Variants in PRDX4 observed in about 807,000 individuals in gnomAD.
The protein encoded by PRDX4 is peroxiredoxin-4.
PRDX4 carries 12 observed loss-of-function variants against 20.5 expected under a neutral mutation model. The observed-to-expected ratio is 0.58, with a 90% confidence interval of 0.37 to 0.95. The LOEUF is 0.95. PRDX4 is among the 40% of genes least tolerant of loss of function. The probability of loss-of-function intolerance (pLI) is 0.01; values close to 1 mark genes in which losing one functional copy is unlikely to be tolerated. For synonymous variants in PRDX4, 99 were observed against 87.5 expected (o/e 1.13, Z -0.73); for missense variants, 180 against 207.3 (o/e 0.87, Z 0.81).
At chrX:23,668,853 C>T (rs1927783908) in intron 1 of PRDX4, among the ~76,000 whole-genome samples, 1 of 110,639 alleles carries the variant, frequency 9.0e-6, no homozygotes, top group Non-Finnish European at 1.9e-5. Flanking sequence ...ACTGTTTTGT[C>T]CTCTTAAACA....
At chrX:23,683,319 G>A (rs1225289624) in intron 5 of PRDX4, among the ~76,000 whole-genome samples, 1 of 111,821 alleles carries the variant, frequency 8.9e-6, no homozygotes, top group African/African-American at 3.2e-5. Context: ...CAAGCGTACT[G>A]GAAGTTTATG....
At chrX:23,680,912 T>TA (rs1478808396) in intron 4 of PRDX4, among the ~76,000 whole-genome samples, 1 of 108,670 alleles carries the variant, frequency 9.2e-6, no homozygotes, top group African/African-American at 3.4e-5. Context: ...ACCCTGTCTC[T>TA]AAAAAAATAA....
At chrX:23,676,985 C>T (rs995836372) in intron 3 of PRDX4, among the ~76,000 whole-genome samples, 1 of 110,631 alleles carries the variant, frequency 9.0e-6, no homozygotes, top group African/African-American at 3.3e-5. Flanking sequence ...CAAGCTTGCA[C>T]CACCATACCT....
chrX:23,686,207 G>T, intron 6 of PRDX4, 78 bp from the exon 7 acceptor site: 1 of 757,317 alleles, frequency 1.3e-6, no homozygotes, highest in Non-Finnish European at 1.9e-6. Context: ...TCAAGGCATG[G>T]GCAACTAATG....
At position 23,667,699 on chromosome X, in the gene PRDX4, G is replaced by T. The variant is rs766263408; in HGVS notation, c.129G>T (p.Arg43Ser). The change falls in exon 1 of 7, where the codon AGG (arginine) becomes AGT (serine). Residue 43 changes from arginine to serine, a missense_variant. This residue lies in a region of PRDX4 where 105 missense variants were observed against 114.2 expected (regional missense o/e 0.92). Coordinates refer to ENST00000379341, the MANE Select transcript of PRDX4 (RefSeq NM_006406.2). ...TGCAGGGCTGGGAGACAGAGGAGAGGCCCCGGACTCGCGAAGAGGAGTGCC... is the reference window on the plus strand; with the variant it reads ...TGCAGGGCTGGGAGACAGAGGAGAGTCCCCGGACTCGCGAAGAGGAGTGCC... ...GAVQGWETEE[R>S]PRTREEECHF... 1 of 1,210,094 alleles carries T rather than the reference G, an allele frequency of 8.3e-7. No individual in the cohort carries two copies. Among genetic ancestry groups the T allele is most frequent in the East Asian group, 3.0e-5 (1 of 33,725 alleles).
At chrX:23,674,192 G>A (rs913901694) in intron 2 of PRDX4, among the ~76,000 whole-genome samples, 5 of 111,491 alleles carry the variant, frequency 4.5e-5, no homozygotes, top group African/African-American at 1.6e-4. Flanking sequence ...CAGAACTAAA[G>A]CCAGCTTTGA....
chrX:23,673,533 ACCTG>A (rs1927884943), intron 2 of PRDX4, among the ~76,000 whole-genome samples: 1 of 112,204 alleles, frequency 8.9e-6, no homozygotes, highest in East Asian at 2.8e-4. Context: ...TGGGCGGATC[ACCTG>A]AGGTCAGGAG....
At chrX:23,681,795 C>G (rs1363840030) in intron 4 of PRDX4, among the ~76,000 whole-genome samples, 2 of 112,186 alleles carry the variant, frequency 1.8e-5, no homozygotes, top group East Asian at 5.5e-4. Context: ...AATCCCAGCA[C>G]TTTGGGAGGC....
Position 23,682,519 on chromosome X carries a change from C to T in PRDX4, c.723C>T (p.His241=), listed in dbSNP as rs768768733. 7 of 1,158,290 alleles carry T rather than the reference C, an allele frequency of 6.0e-6. No individual in the cohort carries two copies. Among genetic ancestry groups the T allele is most frequent in the South Asian group, 2.0e-5 (1 of 50,767 alleles). Residue 241 remains histidine (H), a synonymous_variant, in exon 5 of 7, where the codon CAC becomes CAT. Transcript: ENST00000379341. ...LVQAFQYTDK[H]GEVCPAGWKP... is the part of the protein sequence containing the mutation. ...AAGCATTCCAGTACACTGACAAACA[C>T]GGAGAAGGTACCTCTCCCTTCTAAC...
At chrX:23,671,365 C>T in intron 1 of PRDX4, 164 bp from the exon 2 acceptor site, 22 of 359,444 alleles carry the variant, frequency 6.1e-5, no homozygotes, top group East Asian at 9.2e-5. Context: ...ATGTATTTTC[C>T]TTTTTGCATT....
rs770470101 is a variant in PRDX4, at chrX:23,671,559, C to G, written c.272C>G (p.Thr91Arg). Residue 91 changes from threonine to arginine, a missense_variant, in exon 2 of 7, where the codon ACA (threonine) becomes AGA (arginine). Coordinates refer to ENST00000379341, the MANE Select transcript of PRDX4 (RefSeq NM_006406.2). Reference protein sequence around the residue: ...ISKPAPYWEGTAVIDGEFKEL... With the variant: ...ISKPAPYWEGRAVIDGEFKEL... ...AAGCCAGCGCCCTACTGGGAAGGAA[C>G]AGCTGTGATCGATGGAGAATTTAAG... 86 of 1,205,532 alleles carry G rather than the reference C, an allele frequency of 7.1e-5. No individual in the cohort carries two copies. The highest frequency in any genetic ancestry group is 9.3e-5 in the Non-Finnish European group (83 of 893,683).
At chrX:23,678,941 A>G (rs12846128) in intron 3 of PRDX4, among the ~76,000 whole-genome samples, 26,461 of 111,006 alleles carry the variant, frequency 0.24, 2,729 homozygotes, top group South Asian at 0.36. Context: ...CCTGTCTCAA[A>G]AACATAAAAT....
At chrX:23,682,625 T>C in intron 5 of PRDX4, 99 bp downstream of exon 5, 1 of 708,443 alleles carries the variant, frequency 1.4e-6, no homozygotes, top group Non-Finnish European at 1.9e-6. Flanking sequence ...CAAAGTTTTC[T>C]GATTATTTAC....
rs1387405872 is a variant in PRDX4, at chrX:23,675,445, C to T, written c.476+339C>T. On this transcript the variant is annotated intron_variant, in intron 3 of 6. Coordinates refer to ENST00000379341, the MANE Select transcript of PRDX4 (RefSeq NM_006406.2). Reference sequence around the variant, plus strand: ...TTACCATAATCTGGAGGAAAAAAATCTTTAAAATATGCCATTTCTCTGTTA... The same window carrying T: ...TTACCATAATCTGGAGGAAAAAAATTTTTAAAATATGCCATTTCTCTGTTA... 5 of 240,856 alleles carry T rather than the reference C, an allele frequency of 2.1e-5. No individual in the cohort carries two copies. The East Asian group carries it at 3.4e-4, about 16-fold the overall frequency. The allele number at this position is 240,856 out of a possible 1,213,427, so 19.8% of individuals were successfully genotyped here.
chrX:23,669,053 G>A (rs1927790758), intron 1 of PRDX4, among the ~76,000 whole-genome samples: 1 of 110,533 alleles, frequency 9.0e-6, no homozygotes, highest in Non-Finnish European at 1.9e-5. Flanking sequence ...AGCCTCCCAG[G>A]TAGCTGGGAC....
chrX:23,681,643 G>A (rs1437050473), intron 4 of PRDX4, among the ~76,000 whole-genome samples: 2 of 112,282 alleles, frequency 1.8e-5, no homozygotes, highest in African/African-American at 3.2e-5. Context: ...CCCCAAAAAC[G>A]ACTGAGGCAG....
chrX:23,667,601 A>G lies in PRDX4; in HGVS notation c.31A>G (p.Thr11Ala), dbSNP rs761886168. 2.5e-6 allele frequency: 3 copies of G among 1,190,511 alleles called. No individual in the cohort carries two copies. The highest frequency in any genetic ancestry group is 2.3e-6 in the Non-Finnish European group (2 of 885,858). Residue 11 changes from threonine (T) to alanine (A), a missense_variant, in exon 1 of 7, where the codon ACT (threonine) becomes GCT (alanine). Around this residue, in one of 3 missense-constraint regions of PRDX4, gnomAD observed 105 missense variants for 114.2 expected, o/e 0.92. Coordinates refer to ENST00000379341, the MANE Select transcript of PRDX4 (RefSeq NM_006406.2). Reference protein sequence around the residue: MEALPLLAATTPDHGRHRRLL... With the variant: MEALPLLAATAPDHGRHRRLL... ...GGCGCTGCCGCTGCTAGCCGCGACAACTCCGGACCACGGCCGCCACCGAAG... is the reference window on the plus strand; with the variant it reads ...GGCGCTGCCGCTGCTAGCCGCGACAGCTCCGGACCACGGCCGCCACCGAAG...
rs1928090072 is a variant in PRDX4 at position 23,682,409 on chromosome X, A to G, written c.613A>G (p.Ile205Val). 2 of 1,164,474 alleles carry G rather than the reference A, an allele frequency of 1.7e-6. No individual in the cohort carries two copies. The highest frequency in any genetic ancestry group is 3.8e-5 in the South Asian group (2 of 53,117). Residue 205 changes from isoleucine to valine, a missense_variant, in exon 5 of 7, where the codon ATT becomes GTT. By Grantham distance (29) the Ile-to-Val change is conservative (BLOSUM62 3). Around this residue, in one of 3 missense-constraint regions of PRDX4, gnomAD observed 73 missense variants for 76.5 expected, o/e 0.95. Coordinates refer to ENST00000379341, the MANE Select transcript of PRDX4 (RefSeq NM_006406.2). ...SGHTLRGLFI[I>V]DDKGILRQIT... is the part of the protein sequence containing the mutation. ...TCTGTTTTACAGAGGTCTCTTCATTATTGATGACAAAGGAATCCTAAGACA... is the reference window on the plus strand; with the variant it reads ...TCTGTTTTACAGAGGTCTCTTCATTGTTGATGACAAAGGAATCCTAAGACA...
intron 2 of PRDX4, among the ~76,000 whole-genome samples, chrX:23,672,780 A>C (rs1927871813): frequency 9.0e-6 from 1 of 111,497 alleles, no homozygotes; most frequent in Non-Finnish European, 1.9e-5. Context: ...ACTTAAGCTC[A>C]TTGCTATAGG....
Sources: allele counts gnomAD v4.1 joint callset (sites outside exome capture counted in the v4.1 genomes callset), GRCh38; gene constraint gnomAD v4.1.1; regional missense constraint gnomAD v4.1.1; transcripts MANE v1.5; gene names NCBI Gene and HGNC (gene_info 2026-07-23, HGNC 2026-07-21).